COP1: variants seen among roughly 807,000 people sequenced by gnomAD.
The protein encoded by COP1 is E3 ubiquitin-protein ligase COP1.
Under a neutral mutation model 101.3 loss-of-function variants are expected in COP1, and 24 were observed. That is an observed-to-expected ratio of 0.24 (90% CI 0.17 to 0.33). The LOEUF is 0.33. Ranked by LOEUF, COP1 falls within the 10% of genes least tolerant of loss-of-function variation. COP1 has a pLI of 1.00. For synonymous variants in COP1, 347 were observed against 341.9 expected (o/e 1.01, Z -0.17); for missense variants, 663 against 906.2 (o/e 0.73, Z 3.45).
chr1:176,072,772 T>A (rs953785343), intron 11 of COP1, among the ~76,000 whole-genome samples: 28 of 150,992 alleles, frequency 1.9e-4, no homozygotes, highest in Non-Finnish European at 3.4e-4. Context: ...CTTGTAACTA[T>A]CATAGAAACA....
Position 175,947,180 on chromosome 1 carries a change from T to A in COP1, c.2178+15A>T. 3 of 1,576,186 alleles carry A rather than the reference T, an allele frequency of 1.9e-6. No homozygotes were observed. The highest frequency in any genetic ancestry group is 1.1e-5 in the South Asian group (1 of 90,096). Reference sequence around the variant, plus strand: ...TGGGCCTGAGTTTAAAATGGAGATATAGTAAATAGCTTACCTTAATTGTAC... The same window carrying A: ...TGGGCCTGAGTTTAAAATGGAGATAAAGTAAATAGCTTACCTTAATTGTAC... On this transcript the variant is annotated intron_variant, in intron 19 of 19. Coordinates refer to ENST00000367669, the MANE Select transcript of COP1 (RefSeq NM_022457.7).
At chr1:176,018,708 T>C (rs1201452982) in intron 15 of COP1, 1 of 152,148 alleles carries the variant, frequency 6.6e-6, no homozygotes, top group African/African-American at 2.4e-5. Flanking sequence ...TTAATGTCCA[T>C]ATTAAATATG....
At chr1:176,089,916 G>C (rs1280652762) in intron 9 of COP1, among the ~76,000 whole-genome samples, 3 of 152,202 alleles carry the variant, frequency 2.0e-5, no homozygotes, top group Middle Eastern at 3.4e-3. Flanking sequence ...GGAAAATTTT[G>C]CATCTGTATT....
chr1:175,982,478 A>G, intron 18 of COP1: 1 of 434,430 alleles, frequency 2.3e-6, no homozygotes, highest in South Asian at 1.7e-5. Context: ...GACCTTTATG[A>G]TTCACTTCAT....
At chr1:176,156,730 G>T (rs1315479082) in intron 5 of COP1, among the ~76,000 whole-genome samples, 1 of 152,122 alleles carries the variant, frequency 6.6e-6, no homozygotes, top group Non-Finnish European at 1.5e-5. Context: ...TAATAAAGGA[G>T]ATGATTCATC....
intron 18 of COP1, among the ~76,000 whole-genome samples, chr1:175,975,459 G>C (rs1654306762): frequency 6.6e-6 from 1 of 152,096 alleles, no homozygotes; most frequent in South Asian, 2.1e-4. Flanking sequence ...ACCCAGGCTG[G>C]AGTGCAGTGC....
At chr1:176,132,163 G>A (rs781010884) in intron 8 of COP1, among the ~76,000 whole-genome samples, 3 of 151,662 alleles carry the variant, frequency 2.0e-5, no homozygotes, top group Non-Finnish European at 3.0e-5. Context: ...ATGTCAAGGG[G>A]TTGAGAGGGA....
Position 176,206,622 on chromosome 1 carries a change from G to A in COP1, c.357C>T (p.Leu119=). The A allele has an allele frequency of 6.2e-7, 1 of 1,612,168 alleles. No homozygotes were observed. The highest frequency in any genetic ancestry group is 1.1e-5 in the South Asian group (1 of 91,084). The part of the protein sequence containing the change: ...GSRKRPLLAP[L]CNGLINSYED... ...CGTAGGAGTTGATGAGCCCGTTGCA[G>A]AGGGGGGCGAGGAGAGGTCGCTTCC... The change falls in exon 1 of 20, where the codon CTC becomes CTT. Residue 119 remains leucine, a synonymous_variant. Transcript: ENST00000367669.
intron 3 of COP1, among the ~76,000 whole-genome samples, chr1:176,169,757 A>G (rs563391565): frequency 2.5e-4 from 38 of 152,312 alleles, no homozygotes; most frequent in African/African-American, 8.7e-4. Context: ...TGGCTGTGGC[A>G]ATTTCTTAAA....
chr1:176,109,602 A>C (rs1320600728), intron 9 of COP1, among the ~76,000 whole-genome samples: 1 of 152,172 alleles, frequency 6.6e-6, no homozygotes, highest in African/African-American at 2.4e-5. Context: ...CTTAAAAAAA[A>C]CTACTGGGAT....
At chr1:176,193,369 C>G in intron 1 of COP1, among the ~76,000 whole-genome samples, 1 of 152,102 alleles carries the variant, frequency 6.6e-6, no homozygotes, top group East Asian at 1.9e-4. Context: ...GGCAGTTACT[C>G]AGAAAGCAAA....
chr1:176,018,980 A>G (rs1666173746), intron 15 of COP1, among the ~76,000 whole-genome samples: 1 of 150,956 alleles, frequency 6.6e-6, no homozygotes, highest in Admixed American at 6.6e-5. Flanking sequence ...AGCCTGGCCA[A>G]CGTGGTGAAA....
chr1:176,196,355 C>A (rs143462745), intron 1 of COP1, among the ~76,000 whole-genome samples: 211 of 152,132 alleles, frequency 1.4e-3, no homozygotes, highest in African/African-American at 4.8e-3. Flanking sequence ...TAATAATCCT[C>A]TAGCTAAACC....
In COP1 at chr1:175,995,636, T is replaced by A. The variant is rs1006452054; in HGVS notation, c.1730-6157A>T. ...ACAAACACCTCTACACAAATAAACTTGAAAATCTAGAACAAATGGATAAAT... is the reference window on the plus strand; with the variant it reads ...ACAAACACCTCTACACAAATAAACTAGAAAATCTAGAACAAATGGATAAAT... On this transcript the variant is annotated intron_variant, in intron 15 of 19. Coordinates refer to ENST00000367669, the MANE Select transcript of COP1 (RefSeq NM_022457.7). Among the ~76,000 whole-genome samples the A allele has an allele frequency of 1.7e-4, 26 of 152,148 alleles. No individual in the cohort carries two copies. In the East Asian group the frequency reaches 1.7e-3, roughly 10 times the overall value.
intron 9 of COP1, among the ~76,000 whole-genome samples, chr1:176,099,875 C>T (rs1247101173): frequency 6.6e-6 from 1 of 152,180 alleles, no homozygotes; most frequent in Admixed American, 6.5e-5. Flanking sequence ...AGAGCAGGAT[C>T]ACCCAACTCA....
chr1:176,194,546 G>A (rs979301362), intron 1 of COP1, among the ~76,000 whole-genome samples: 2 of 152,124 alleles, frequency 1.3e-5, no homozygotes, highest in Admixed American at 6.5e-5. Context: ...GCTGAGGCAG[G>A]AGAATCACTC....
At chr1:175,972,422 A>C in intron 18 of COP1, among the ~76,000 whole-genome samples, 1 of 151,346 alleles carries the variant, frequency 6.6e-6, no homozygotes, top group Non-Finnish European at 1.5e-5. Context: ...AACACATACC[A>C]TCTGAGGCCC....
intron 1 of COP1, among the ~76,000 whole-genome samples, chr1:176,205,800 C>G (rs1243391393): frequency 6.6e-6 from 1 of 152,146 alleles, no homozygotes; most frequent in Non-Finnish European, 1.5e-5. Context: ...AATGTCTATA[C>G]CTAGCATTTC....
rs1669740615 is a variant in COP1, at chr1:176,037,358, G to A, written c.1612+5828C>T. On this transcript the variant is annotated intron_variant, in intron 14 of 19. Coordinates refer to ENST00000367669, the MANE Select transcript of COP1 (RefSeq NM_022457.7). ...GGAGGTGGAGCTTGCAGTGAGCCGA[G>A]ATCATGCCACTTCACTCCAGCCTGG... 4.7e-5 allele frequency among the ~76,000 whole-genome samples: 7 copies of A among 149,982 alleles called. No homozygotes were observed. In the South Asian group the frequency reaches 1.5e-3, roughly 31 times the overall value.
Sources: allele counts gnomAD v4.1 joint callset (sites outside exome capture counted in the v4.1 genomes callset), GRCh38; gene constraint gnomAD v4.1.1; transcripts MANE v1.5; gene names NCBI Gene and HGNC (gene_info 2026-07-23, HGNC 2026-07-21).